EYS: variants seen among roughly 807,000 people sequenced by gnomAD.
The protein encoded by EYS is EGF-like photoreceptor maintenance factor.
Under a neutral mutation model 282.1 loss-of-function variants are expected in EYS, and 250 were observed. The observed-to-expected ratio is 0.89, with a 90% CI of 0.80 to 0.98. The LOEUF is 0.98. Among genes scored for constraint, EYS ranks in the 50% least tolerant of loss-of-function variants. EYS has a pLI of 0.00. For missense variants in EYS, 4,016 were observed against 3,709.0 expected, an observed-to-expected ratio of 1.08 and a Z score of -2.15; for synonymous variants, 1,355 against 1,282.9, an observed-to-expected ratio of 1.06 and a Z score of -1.20.
intron 31 of EYS, among the ~76,000 whole-genome samples, chr6:64,139,117 A>C (rs2150286740): frequency 6.6e-6 from 1 of 152,300 alleles, no homozygotes. Context: ...TGAAAAGAAA[A>C]GAATTTGAGA....
intron 12 of EYS, among the ~76,000 whole-genome samples, chr6:65,069,768 C>G (rs1336277707): frequency 6.6e-6 from 1 of 151,862 alleles, no homozygotes; most frequent in Admixed American, 6.6e-5. Context: ...ATCCTTAGCT[C>G]AGATTTTTCT....
intron 40 of EYS, among the ~76,000 whole-genome samples, chr6:63,770,820 A>G (rs1769909918): frequency 6.6e-6 from 1 of 152,186 alleles, no homozygotes; most frequent in African/African-American, 2.4e-5. Context: ...GTTAAAACAA[A>G]TGAACCTCAT....
intron 26 of EYS, among the ~76,000 whole-genome samples, chr6:64,508,518 G>T (rs767014141): frequency 7.3e-5 from 11 of 150,064 alleles, no homozygotes; most frequent in African/African-American, 2.7e-4. Flanking sequence ...AATGATATCC[G>T]CATGCCTGGC....
chr6:64,804,011 G>T (rs1238145707), intron 22 of EYS, among the ~76,000 whole-genome samples: 1 of 152,162 alleles, frequency 6.6e-6, no homozygotes, highest in South Asian at 2.1e-4. Flanking sequence ...TTGGAAGGGG[G>T]CGTGGTTCCT....
Position 64,606,916 on chromosome 6 carries a change from C to T in EYS, c.3684+10502G>A, listed in dbSNP as rs74471457. 2.1e-3 allele frequency among the ~76,000 whole-genome samples: 325 copies of T among 152,160 alleles called. 3 individuals are homozygous for T. Among genetic ancestry groups the T allele is most frequent in the South Asian group, 5.2e-3 (25 of 4,826 alleles). ...AGCAAGCAAGATATGCTGTGTTGTA[C>T]GTCAGTATCCCTGAGCTGCATGGAG... On this transcript the variant is annotated intron_variant, in intron 24 of 42. Transcript: ENST00000503581.
At chr6:65,007,972 C>T (rs572580271) in intron 13 of EYS, among the ~76,000 whole-genome samples, 52 of 152,168 alleles carry the variant, frequency 3.4e-4, no homozygotes, top group Middle Eastern at 6.8e-3. Flanking sequence ...AACTGCAGCC[C>T]GAGAGTTTGG....
intron 26 of EYS, among the ~76,000 whole-genome samples, chr6:64,490,950 A>G (rs1471474284): frequency 6.6e-6 from 1 of 150,896 alleles, no homozygotes; most frequent in Admixed American, 6.6e-5. Context: ...CATCAACACC[A>G]CAGACACTAA....
In EYS at chr6:64,415,480, C is replaced by T. The variant is rs148589185; in HGVS notation, c.5927+20694G>A. Among the ~76,000 whole-genome samples the T allele has an allele frequency of 2.2e-4, 34 of 152,298 alleles. No individual in the cohort carries two copies. The East Asian group carries it at 6.2e-3, about 28-fold the overall frequency. ...TAAATGTCATCATGGTTTACATTCT[C>T]TCTGTCCTAATAGAGAATTACTCTT... On this transcript the variant is annotated intron_variant, in intron 28 of 42. Coordinates refer to ENST00000503581, the MANE Select transcript of EYS (RefSeq NM_001142800.2).
rs1014359128 is a variant in EYS at position 65,300,476 on chromosome 6, T to G, written c.1767-4357A>C. On this transcript the variant is annotated intron_variant, in intron 11 of 42. Coordinates refer to ENST00000503581, the MANE Select transcript of EYS (RefSeq NM_001142800.2). ...AGGGCAGTAGTCTTAAGTTTTGGAGTTTTTTTCAAAAGTTTAACATGCATC... is the reference window on the plus strand; with the variant it reads ...AGGGCAGTAGTCTTAAGTTTTGGAGGTTTTTTCAAAAGTTTAACATGCATC... Among the ~76,000 whole-genome samples, 173 of 152,224 alleles carry G rather than the reference T, an allele frequency of 1.1e-3. 1 individual carries two copies. The highest frequency in any genetic ancestry group is 3.8e-4 in the Non-Finnish European group (26 of 68,026).
chr6:64,835,449 A>G (rs943775195), intron 19 of EYS, among the ~76,000 whole-genome samples: 2 of 150,458 alleles, frequency 1.3e-5, no homozygotes, highest in African/African-American at 4.9e-5. Context: ...AGACTAACAC[A>G]GTCACTAATT....
intron 19 of EYS, among the ~76,000 whole-genome samples, chr6:64,846,466 A>G (rs2150038541): frequency 6.6e-6 from 1 of 152,248 alleles, no homozygotes; most frequent in South Asian, 2.1e-4. Flanking sequence ...GAGTTTAGAA[A>G]GAGGGGTGGA....
At chr6:64,997,475 A>G in intron 14 of EYS, 107 bp downstream of exon 14, 2 of 1,010,266 alleles carry the variant, frequency 2.0e-6, no homozygotes, top group Non-Finnish European at 2.8e-6. Flanking sequence ...AGCATATGTA[A>G]TATATATACT....
intron 29 of EYS, among the ~76,000 whole-genome samples, chr6:64,326,009 C>T (rs1441313086): frequency 6.6e-6 from 1 of 152,124 alleles, no homozygotes; most frequent in Non-Finnish European, 1.5e-5. Flanking sequence ...GAAAACTTCC[C>T]TGGCCTTGTT....
intron 26 of EYS, among the ~76,000 whole-genome samples, chr6:64,537,009 G>GT (rs1324933681): frequency 0.014 from 1,962 of 144,998 alleles, 42 homozygotes; most frequent in African/African-American, 0.045. Context: ...TATTTATTTT[G>GT]TTTTTTTTTT....
At chr6:65,506,977 A>G (rs1028114007) in intron 2 of EYS, among the ~76,000 whole-genome samples, 1 of 152,050 alleles carries the variant, frequency 6.6e-6, no homozygotes, top group Non-Finnish European at 1.5e-5. Context: ...TATTTCTATA[A>G]CTATTAATAA....
chr6:63,963,516 G>A (rs9362319), intron 35 of EYS, among the ~76,000 whole-genome samples: 45,598 of 152,026 alleles, frequency 0.3, 6,931 homozygotes, highest in Admixed American at 0.38. Context: ...AGAATAACAC[G>A]AAAATGGCAT....
chr6:63,808,053 C>A (rs1582227287), intron 36 of EYS, among the ~76,000 whole-genome samples: 1 of 152,236 alleles, frequency 6.6e-6, no homozygotes, highest in Middle Eastern at 3.4e-3. Context: ...GCTAGATTGA[C>A]AAATACGTAT....
rs1391725570 is a variant in EYS, at chr6:65,707,207, C to T, written c.-520G>A. 4 of 152,142 alleles carry T rather than the reference C, an allele frequency of 2.6e-5. No individual in the cohort carries two copies. The highest frequency in any genetic ancestry group is 4.4e-5 in the Non-Finnish European group (3 of 67,996). The allele number at this position is 152,142 out of a possible 1,614,324, so 9.4% of individuals were successfully genotyped here. A position where few individuals can be genotyped will look rare whatever the true frequency, so the allele number is the denominator to read the frequency against. On this transcript the variant is annotated 5_prime_UTR_variant, in exon 1 of 43. Coordinates refer to ENST00000503581, the MANE Select transcript of EYS (RefSeq NM_001142800.2). ...ACGGTTAATGTCTGGACATGCCTAG[C>T]GTGTATCACTTTGTTTCTCAGAAGC...
chr6:64,278,377 T>C (rs1768186482), intron 30 of EYS, among the ~76,000 whole-genome samples: 1 of 152,190 alleles, frequency 6.6e-6, no homozygotes, highest in Admixed American at 6.5e-5. Context: ...AAATTATTCA[T>C]TCTTATTAAG....
Sources: allele counts gnomAD v4.1 joint callset (sites outside exome capture counted in the v4.1 genomes callset), GRCh38; gene constraint gnomAD v4.1.1; transcripts MANE v1.5; gene names NCBI Gene and HGNC (gene_info 2026-07-23, HGNC 2026-07-21).